The following LRP1B variants were observed in gnomAD, a reference collection of about 807,000 sequenced individuals.
LRP1B encodes the protein low-density lipoprotein receptor-related protein 1B.
Under a neutral mutation model 556.6 loss-of-function variants are expected in LRP1B, and 217 were observed. The ratio of observed to expected loss-of-function variants is 0.39; its 90% CI spans 0.35 to 0.44. The LOEUF (loss-of-function observed/expected upper bound fraction) is 0.44. Among genes scored for constraint, LRP1B ranks in the 20% least tolerant of loss-of-function variants. The probability of loss-of-function intolerance (pLI) is 1.00; values close to 1 mark genes in which losing one functional copy is unlikely to be tolerated. For missense variants in LRP1B, 5,053 were observed against 5,620.8 expected (o/e 0.90, Z 3.23); for synonymous variants, 2,047 against 1,865.8 (o/e 1.10, Z -2.50).
intron 3 of LRP1B, among the ~76,000 whole-genome samples, chr2:141,295,983 G>A (rs1169675500): frequency 6.6e-6 from 1 of 152,040 alleles, no homozygotes; most frequent in Non-Finnish European, 1.5e-5. Context: ...CATCATAGCA[G>A]ACATGAAAAT....
chr2:141,852,305 C>A (rs1382565276), intron 1 of LRP1B, among the ~76,000 whole-genome samples: 2 of 151,570 alleles, frequency 1.3e-5, no homozygotes, highest in South Asian at 2.1e-4. Flanking sequence ...TTGACTTGAC[C>A]TTCCTTCAAA....
At chr2:141,785,488 T>C (rs1489808824) in intron 2 of LRP1B, among the ~76,000 whole-genome samples, 1 of 151,710 alleles carries the variant, frequency 6.6e-6, no homozygotes, top group Non-Finnish European at 1.5e-5. Flanking sequence ...TAGGTGACTC[T>C]TTTCCATGTG....
chr2:141,986,129 TTA>T (rs997081215), intron 1 of LRP1B, among the ~76,000 whole-genome samples: 1 of 151,954 alleles, frequency 6.6e-6, no homozygotes, highest in Non-Finnish European at 1.5e-5. Context: ...TAAATTCTTA[TTA>T]TGTTTTTTCA....
At chr2:140,266,351 T>G (rs1287925967) in intron 86 of LRP1B, among the ~76,000 whole-genome samples, 1 of 152,082 alleles carries the variant, frequency 6.6e-6, no homozygotes, top group African/African-American at 2.4e-5. Context: ...TCATTGGCAC[T>G]CTACTCCTTT....
chr2:141,292,346 A>G (rs1208512058), intron 3 of LRP1B, among the ~76,000 whole-genome samples: 1 of 152,200 alleles, frequency 6.6e-6, no homozygotes. Context: ...TCTAGGGTGC[A>G]GAGATAACCA....
chr2:142,001,649 C>G (rs1702658899), intron 1 of LRP1B, among the ~76,000 whole-genome samples: 1 of 152,138 alleles, frequency 6.6e-6, no homozygotes, highest in African/African-American at 2.4e-5. Context: ...ATACTGCAAC[C>G]TATTTACAAG....
intron 3 of LRP1B, among the ~76,000 whole-genome samples, chr2:141,264,454 T>A (rs955665955): frequency 3.9e-5 from 6 of 152,124 alleles, no homozygotes; most frequent in Admixed American, 1.3e-4. Context: ...TATTTAGTTA[T>A]TCATTATTTT....
intron 7 of LRP1B, among the ~76,000 whole-genome samples, chr2:141,097,856 G>A (rs889533309): frequency 6.6e-6 from 1 of 152,158 alleles, no homozygotes; most frequent in African/African-American, 2.4e-5. Flanking sequence ...GAGGAATGTT[G>A]TGATTGTTAA....
chr2:140,725,559 T>A (rs924551760), intron 35 of LRP1B, among the ~76,000 whole-genome samples: 1 of 140,152 alleles, frequency 7.1e-6, no homozygotes, highest in Non-Finnish European at 1.6e-5. Context: ...GGGGGAGGGA[T>A]AGCATTAGGA....
At chr2:140,648,061 T>C (rs1252769345) in intron 41 of LRP1B, among the ~76,000 whole-genome samples, 2 of 152,166 alleles carry the variant, frequency 1.3e-5, no homozygotes, top group African/African-American at 2.4e-5. Flanking sequence ...AGTGATAGAC[T>C]GGATTAAGAA....
At chr2:140,370,081 C>G (rs955329356) in intron 71 of LRP1B, among the ~76,000 whole-genome samples, 2 of 151,980 alleles carry the variant, frequency 1.3e-5, no homozygotes, top group African/African-American at 4.8e-5. Context: ...GTAACAATTG[C>G]TACGTTTAAT....
At position 140,330,706 on chromosome 2, in the gene LRP1B, G is replaced by GA. The variant is rs1680762894; in HGVS notation, c.12223+3746dup. Among the ~76,000 whole-genome samples, 13 of 151,962 alleles carry GA rather than the reference G, an allele frequency of 8.6e-5. No homozygotes were observed. In the South Asian group the frequency reaches 2.7e-3, roughly 32 times the overall value. ...AGATGCCAAAAGCAATTGTTAACAA[G>GA]AAAAAATTGACAAATAGGATCTAGT... On this transcript the variant is annotated intron_variant, in intron 79 of 90. Coordinates refer to ENST00000389484, the MANE Select transcript of LRP1B (RefSeq NM_018557.3).
At chr2:141,531,689 C>T (rs1200590514) in intron 2 of LRP1B, among the ~76,000 whole-genome samples, 1 of 152,002 alleles carries the variant, frequency 6.6e-6, no homozygotes, top group Admixed American at 6.6e-5. Flanking sequence ...CATCATGTTA[C>T]ATAAGGATGG....
chr2:140,744,511 A>G (rs1688254585), intron 35 of LRP1B, among the ~76,000 whole-genome samples: 1 of 152,178 alleles, frequency 6.6e-6, no homozygotes, highest in African/African-American at 2.4e-5. Context: ...AAACGTGAGG[A>G]AATTTACTTG....
At chr2:141,158,435 C>T (rs9287313) in intron 7 of LRP1B, among the ~76,000 whole-genome samples, 104,170 of 151,920 alleles carry the variant, frequency 0.69, 36,215 homozygotes, top group Middle Eastern at 0.82. Flanking sequence ...ATAGACAAAT[C>T]AGTGAAGCAG....
chr2:140,297,247 GA>G (rs1683646516), intron 84 of LRP1B, among the ~76,000 whole-genome samples: 1 of 152,112 alleles, frequency 6.6e-6, no homozygotes, highest in African/African-American at 2.4e-5. Flanking sequence ...TCATATAAAT[GA>G]AATATAAAGC....
intron 7 of LRP1B, among the ~76,000 whole-genome samples, chr2:141,178,044 T>C (rs749875090): frequency 1.3e-5 from 2 of 152,106 alleles, no homozygotes; most frequent in Non-Finnish European, 2.9e-5. Context: ...GTAGAAGTAA[T>C]GGGAAACAAA....
intron 1 of LRP1B, among the ~76,000 whole-genome samples, chr2:142,072,834 T>A (rs1049947138): frequency 3.3e-5 from 5 of 152,044 alleles, no homozygotes; most frequent in African/African-American, 1.2e-4. Flanking sequence ...TGAATATAAT[T>A]GAATAGAAGT....
intron 47 of LRP1B, 109 bp from the exon 48 acceptor site, chr2:140,526,459 C>T (rs909436583): frequency 4.0e-5 from 32 of 794,638 alleles, no homozygotes; most frequent in African/African-American, 1.9e-4. Context: ...GTTTTGCTTT[C>T]GTAACTCTGG....
Sources: allele counts gnomAD v4.1 joint callset (sites outside exome capture counted in the v4.1 genomes callset), GRCh38; gene constraint gnomAD v4.1.1; transcripts MANE v1.5; gene names NCBI Gene and HGNC (gene_info 2026-07-23, HGNC 2026-07-21).